MARCHF1: variants seen among roughly 807,000 people sequenced by gnomAD.
The protein encoded by MARCHF1 is E3 ubiquitin-protein ligase MARCHF1.
MARCHF1 carries 40 observed loss-of-function variants against 54.2 expected under a neutral mutation model. The ratio of observed to expected loss-of-function variants is 0.74; its 90% confidence interval spans 0.57 to 0.96. The LOEUF (loss-of-function observed/expected upper bound fraction) is 0.96, where lower values mean the gene tolerates loss of function less well. Ranked by LOEUF, MARCHF1 falls within the 40% of genes least tolerant of loss-of-function variation. MARCHF1 has a pLI of 0.00. For missense variants in MARCHF1, 586 were observed against 656.5 expected (o/e 0.89, Z 1.17); for synonymous variants, 236 against 236.3 (o/e 1.00, Z 0.01).
intron 1 of MARCHF1, among the ~76,000 whole-genome samples, chr4:164,147,035 A>G (rs1729768379): frequency 6.6e-6 from 1 of 151,974 alleles, no homozygotes; most frequent in Non-Finnish European, 1.5e-5. Context: ...ACACTTCTCA[A>G]AAGAAGACAT....
At chr4:163,914,172 C>T (rs11100526) in intron 3 of MARCHF1, among the ~76,000 whole-genome samples, 47,350 of 151,916 alleles carry the variant, frequency 0.31, 7,791 homozygotes, top group South Asian at 0.38. Flanking sequence ...ACAAAGTACA[C>T]TTCAAGCTCA....
At chr4:163,704,078 G>A (rs1417520401) in intron 4 of MARCHF1, among the ~76,000 whole-genome samples, 5 of 149,122 alleles carry the variant, frequency 3.4e-5, no homozygotes, top group African/African-American at 7.4e-5. Context: ...TTGACTGAGG[G>A]ACATAATAAA....
At chr4:164,159,998 C>T (rs545015315) in intron 1 of MARCHF1, among the ~76,000 whole-genome samples, 10 of 152,258 alleles carry the variant, frequency 6.6e-5, no homozygotes, top group African/African-American at 2.2e-4. Flanking sequence ...CCTTCTGAAC[C>T]AGGACCTAGC....
chr4:164,142,767 C>A (rs925084447), intron 1 of MARCHF1, among the ~76,000 whole-genome samples: 1 of 152,180 alleles, frequency 6.6e-6, no homozygotes, highest in Non-Finnish European at 1.5e-5. Context: ...GAGAGCAACT[C>A]TCCTCCTCCA....
intron 3 of MARCHF1, among the ~76,000 whole-genome samples, chr4:163,893,134 A>G (rs924370536): frequency 6.6e-6 from 1 of 151,276 alleles, no homozygotes; most frequent in Admixed American, 6.6e-5. Context: ...CCAACCTTAC[A>G]TACTTTAAAA....
At chr4:164,334,647 C>T (rs371415226) in intron 1 of MARCHF1, among the ~76,000 whole-genome samples, 2 of 152,080 alleles carry the variant, frequency 1.3e-5, no homozygotes, top group Non-Finnish European at 2.9e-5. Flanking sequence ...AATATCCATT[C>T]TACAATCCAT....
intron 1 of MARCHF1, among the ~76,000 whole-genome samples, chr4:164,215,508 G>A (rs1731904466): frequency 1.3e-5 from 2 of 152,242 alleles, no homozygotes; most frequent in African/African-American, 2.4e-5. Context: ...AAAAATTCTT[G>A]TCTTCACCTA....
chr4:163,554,508 A>G (rs989593036), intron 8 of MARCHF1, among the ~76,000 whole-genome samples: 6 of 152,242 alleles, frequency 3.9e-5, no homozygotes, highest in African/African-American at 1.4e-4. Flanking sequence ...GCTAGAAGCC[A>G]CATGGTCAGA....
At chr4:164,274,897 C>G (rs1344664257) in intron 1 of MARCHF1, among the ~76,000 whole-genome samples, 1 of 150,548 alleles carries the variant, frequency 6.6e-6, no homozygotes, top group Non-Finnish European at 1.5e-5. Flanking sequence ...AGGATGGTCT[C>G]GATCTCCTGA....
intron 3 of MARCHF1, among the ~76,000 whole-genome samples, chr4:163,885,941 A>G (rs529218566): frequency 1.4e-5 from 2 of 147,830 alleles, no homozygotes; most frequent in African/African-American, 4.9e-5. Flanking sequence ...TAATATATAT[A>G]TAAATATATA....
chr4:164,333,257 T>G (rs1300588874), intron 1 of MARCHF1, among the ~76,000 whole-genome samples: 1 of 152,152 alleles, frequency 6.6e-6, no homozygotes. Context: ...TATGTATATA[T>G]TTTCCTTATG....
chr4:163,546,290 A>G (rs960395264), intron 8 of MARCHF1, among the ~76,000 whole-genome samples: 1 of 152,178 alleles, frequency 6.6e-6, no homozygotes. Flanking sequence ...ACTCAGATAT[A>G]TATTAAATTG....
chr4:164,148,335 A>G (rs1729829426), intron 1 of MARCHF1, among the ~76,000 whole-genome samples: 1 of 152,180 alleles, frequency 6.6e-6, no homozygotes, highest in East Asian at 1.9e-4. Context: ...ATGACAGCAG[A>G]TAATTCAGAC....
At chr4:163,666,432 A>G (rs1243297539) in intron 5 of MARCHF1, among the ~76,000 whole-genome samples, 1 of 152,122 alleles carries the variant, frequency 6.6e-6, no homozygotes, top group Non-Finnish European at 1.5e-5. Flanking sequence ...AAAAGTTCCC[A>G]GTGTCAGTGC....
chr4:164,073,229 A>C (rs140859844), intron 2 of MARCHF1, among the ~76,000 whole-genome samples: 1 of 152,316 alleles, frequency 6.6e-6, no homozygotes, highest in Admixed American at 6.5e-5. Flanking sequence ...GCAATAGCAA[A>C]GACTTAGAAC....
chr4:163,912,565 A>G (rs1751217071), intron 3 of MARCHF1, among the ~76,000 whole-genome samples: 1 of 152,164 alleles, frequency 6.6e-6, no homozygotes, highest in Non-Finnish European at 1.5e-5. Context: ...GGATCTAAGC[A>G]TGGCTGATTT....
chr4:163,631,751 T>G (rs758858702), intron 5 of MARCHF1, among the ~76,000 whole-genome samples: 10 of 152,202 alleles, frequency 6.6e-5, no homozygotes, highest in Non-Finnish European at 1.3e-4. Context: ...TGACATTGGA[T>G]TTGGCAATGA....
chr4:164,239,782 T>C lies in MARCHF1; in HGVS notation c.-322-128120A>G, dbSNP rs187585379. Among the ~76,000 whole-genome samples, 14 of 152,258 alleles carry C rather than the reference T, an allele frequency of 9.2e-5. No homozygotes were observed. In the East Asian group the frequency reaches 2.5e-3, roughly 27 times the overall value. On this transcript the variant is annotated intron_variant, in intron 1 of 9. Coordinates refer to ENST00000514618, the MANE Select transcript of MARCHF1 (RefSeq NM_001394959.1). ...TCACAAAATAATTTTTAAGAGTGTA[T>C]GTATATGTCATATTCTTCTTTTCAT...
At chr4:163,562,651 A>G (rs985372671) in intron 8 of MARCHF1, among the ~76,000 whole-genome samples, 1 of 152,080 alleles carries the variant, frequency 6.6e-6, no homozygotes, top group Non-Finnish European at 1.5e-5. Flanking sequence ...TTCTAGAGAC[A>G]TCCTGATGAC....
Sources: allele counts gnomAD v4.1 joint callset (sites outside exome capture counted in the v4.1 genomes callset), GRCh38; gene constraint gnomAD v4.1.1; transcripts MANE v1.5; gene names NCBI Gene and HGNC (gene_info 2026-07-23, HGNC 2026-07-21).